The following DPF3 variants were observed in gnomAD, a reference collection of about 807,000 sequenced individuals.
DPF3 encodes zinc finger protein DPF3.
Under a neutral mutation model 56.8 loss-of-function variants are expected in DPF3, and 18 were observed. That is an observed-to-expected ratio of 0.32 (90% CI 0.22 to 0.47). The LOEUF (loss-of-function observed/expected upper bound fraction) is 0.47. DPF3 is among the 20% of genes least tolerant of loss of function. DPF3 has a pLI of 1.00. For synonymous variants in DPF3, 188 were observed against 180.2 expected (o/e 1.04, Z -0.35); for missense variants, 403 against 488.8 (o/e 0.82, Z 1.65).
intron 6 of DPF3, among the ~76,000 whole-genome samples, chr14:72,713,954 C>T (rs564040230): frequency 1.3e-5 from 2 of 152,326 alleles, no homozygotes; most frequent in African/African-American, 4.8e-5. Context: ...AGATTCATAA[C>T]TTGCCCTACC....
chr14:72,723,640 C>G lies in DPF3; in HGVS notation c.518G>C (p.Arg173Thr), dbSNP rs2139842278. 1 of 1,579,090 alleles carries G rather than the reference C, an allele frequency of 6.3e-7. No homozygotes were observed. Among genetic ancestry groups the G allele is most frequent in the South Asian group, 1.2e-5 (1 of 83,518 alleles). ...EDIPKRKNRT[R>T]GRARGSAGGR... ...ATGTCATCCCCAACTTACCCGTCCT[C>G]TAGTCCTGTTCTTTCGCTTGGGAAT... Residue 173 changes from arginine (R) to threonine (T), a missense_variant, in exon 5 of 11, where the codon AGA becomes ACA. Transcript: ENST00000556509.
At chr14:72,857,339 T>C (rs1885206321) in intron 1 of DPF3, among the ~76,000 whole-genome samples, 1 of 152,142 alleles carries the variant, frequency 6.6e-6, no homozygotes, top group African/African-American at 2.4e-5. Flanking sequence ...GTTATAAACT[T>C]ATTAAAAAGC....
intron 1 of DPF3, among the ~76,000 whole-genome samples, chr14:72,797,588 G>A (rs752500746): frequency 3.3e-4 from 50 of 152,140 alleles, no homozygotes; most frequent in Non-Finnish European, 5.1e-4. Flanking sequence ...ATGTAAGATC[G>A]CATAATTCTA....
At chr14:72,753,116 G>T (rs1366409566) in intron 3 of DPF3, 148 bp downstream of exon 3, 2 of 652,056 alleles carry the variant, frequency 3.1e-6, no homozygotes, top group Non-Finnish European at 5.1e-6. Context: ...AGGCACAGAG[G>T]TGCACCCTTA....
chr14:72,712,941 T>C (rs1888718577), intron 6 of DPF3, among the ~76,000 whole-genome samples: 1 of 152,250 alleles, frequency 6.6e-6, no homozygotes, highest in Non-Finnish European at 1.5e-5. Flanking sequence ...TCCAAAGCAG[T>C]TGTTGGCATT....
intron 1 of DPF3, among the ~76,000 whole-genome samples, chr14:72,791,788 G>A (rs1159525174): frequency 6.6e-6 from 1 of 152,200 alleles, no homozygotes; most frequent in African/African-American, 2.4e-5. Context: ...CTAAGTGGAT[G>A]AACTGGAATT....
chr14:72,730,555 G>A (rs558375833), intron 4 of DPF3, among the ~76,000 whole-genome samples: 18 of 152,170 alleles, frequency 1.2e-4, no homozygotes, highest in South Asian at 1.0e-3. Flanking sequence ...GAGCATGACC[G>A]CATTGGCCCT....
At position 72,705,119 on chromosome 14, in the gene DPF3, G is replaced by A. The variant is rs115792758; in HGVS notation, c.604+9304C>T. ...GACTGCACAGCAGGATGTGAGTGGCGGGCAGGCAAGAGAAACTTCATCTGT... is the reference window on the plus strand; with the variant it reads ...GACTGCACAGCAGGATGTGAGTGGCAGGCAGGCAAGAGAAACTTCATCTGT... On this transcript the variant is annotated intron_variant, in intron 6 of 10. Coordinates refer to ENST00000556509, the MANE Select transcript of DPF3 (RefSeq NM_001280542.3). Among the ~76,000 whole-genome samples the A allele has an allele frequency of 3.7e-3, 570 of 152,216 alleles. 4 individuals are homozygous for A. Among genetic ancestry groups the A allele is most frequent in the African/African-American group, 0.013 (553 of 41,534 alleles).
chr14:72,662,559 A>T, intron 8 of DPF3: 1 of 985,296 alleles, frequency 1.0e-6, no homozygotes, highest in Non-Finnish European at 1.2e-6. Context: ...CAAAGAAAAT[A>T]TAATGAAGAT....
chr14:72,649,657 G>C (rs1440671728), intron 8 of DPF3, among the ~76,000 whole-genome samples: 1 of 141,982 alleles, frequency 7.0e-6, no homozygotes, highest in Non-Finnish European at 1.5e-5. Flanking sequence ...ACTCATCCCT[G>C]GGTGGGGGGG....
chr14:72,717,948 A>G lies in DPF3; in HGVS notation c.526-3447T>C, dbSNP rs151215148. 3.9e-3 allele frequency among the ~76,000 whole-genome samples: 587 copies of G among 152,324 alleles called. 6 individuals are homozygous for G. Among genetic ancestry groups the G allele is most frequent in the Non-Finnish European group, 2.5e-3 (172 of 68,022 alleles). Reference sequence around the variant, plus strand: ...ACCACATGGCCCTGTCCCACTGGCCACAGTTGATTGGCTGGCTCGGGAGTA... The same window carrying G: ...ACCACATGGCCCTGTCCCACTGGCCGCAGTTGATTGGCTGGCTCGGGAGTA... On this transcript the variant is annotated intron_variant, in intron 5 of 10. Transcript: ENST00000556509.
intron 3 of DPF3, among the ~76,000 whole-genome samples, chr14:72,748,940 C>T (rs764061476): frequency 2.0e-5 from 3 of 152,226 alleles, no homozygotes. Flanking sequence ...TCATGGAGAA[C>T]CTCTGCTAGG....
At chr14:72,732,416 G>A (rs895025745) in intron 3 of DPF3, among the ~76,000 whole-genome samples, 33 of 152,218 alleles carry the variant, frequency 2.2e-4, no homozygotes, top group Admixed American at 2.2e-3. Flanking sequence ...CCCAGCTCTT[G>A]TCTGTCAACC....
intron 1 of DPF3, among the ~76,000 whole-genome samples, chr14:72,876,407 C>T (rs1229405304): frequency 6.6e-6 from 1 of 152,204 alleles, no homozygotes; most frequent in Non-Finnish European, 1.5e-5. Flanking sequence ...ACCCCACCCT[C>T]CCCCTGGAGC....
At chr14:72,636,623 T>C (rs1426686339) in intron 8 of DPF3, among the ~76,000 whole-genome samples, 1 of 152,240 alleles carries the variant, frequency 6.6e-6, no homozygotes, top group Non-Finnish European at 1.5e-5. Context: ...AACTCCTTTA[T>C]GTATATACTA....
At chr14:72,861,741 A>AAGAAAGAGAG (rs369077833) in intron 1 of DPF3, among the ~76,000 whole-genome samples, 3 of 107,374 alleles carry the variant, frequency 2.8e-5, no homozygotes, top group East Asian at 2.9e-4. Flanking sequence ...AAGAAAGAGA[A>AAGAAAGAGAG]AGAAAGAAAG....
chr14:72,707,522 G>A (rs1244887151), intron 6 of DPF3, among the ~76,000 whole-genome samples: 3 of 152,226 alleles, frequency 2.0e-5, no homozygotes, highest in Non-Finnish European at 2.9e-5. Context: ...ATGTCCATAA[G>A]CTGTGGCACA....
Position 72,612,755 on chromosome 14 carries a change from T to C in DPF3, c.*6542A>G, listed in dbSNP as rs983509462. On this transcript the variant is annotated 3_prime_UTR_variant, in exon 11 of 11. Transcript: ENST00000556509. ...TTTGAAGTACCCAACTATTGCCAAA[T>C]ATCTTTCATGAAAAGAAGCATAGGT... The C allele has an allele frequency of 1.1e-5, 4 of 376,740 alleles. No homozygotes were observed. The highest frequency in any genetic ancestry group is 6.3e-5 in the African/African-American group (3 of 47,384). 23.3% of individuals were successfully genotyped at this position (376,740 alleles called of 1,614,324 possible).
At chr14:72,704,744 G>C (rs1888333214) in intron 6 of DPF3, among the ~76,000 whole-genome samples, 1 of 152,090 alleles carries the variant, frequency 6.6e-6, no homozygotes, top group Non-Finnish European at 1.5e-5. Flanking sequence ...AATGACCCAA[G>C]TGCAAGATGT....
Sources: allele counts gnomAD v4.1 joint callset (sites outside exome capture counted in the v4.1 genomes callset), GRCh38; gene constraint gnomAD v4.1.1; transcripts MANE v1.5; gene names NCBI Gene and HGNC (gene_info 2026-07-23, HGNC 2026-07-21).